CAST: variants seen among roughly 807,000 people sequenced by gnomAD.
CAST encodes the protein MIR583 host.
CAST carries 76 observed loss-of-function variants against 119.6 expected under a neutral mutation model. The ratio of observed to expected loss-of-function variants is 0.64; its 90% CI spans 0.53 to 0.77. The LOEUF is 0.77. CAST is among the 30% of genes least tolerant of loss of function. CAST has a pLI of 0.00. For synonymous variants in CAST, 319 were observed against 331.6 expected (o/e 0.96, Z 0.41); for missense variants, 953 against 946.5 (o/e 1.01, Z -0.09).
At chr5:96,121,542 G>A in the CAST span, among the ~76,000 whole-genome samples, 1 of 151,528 alleles carries the variant, frequency 6.6e-6, no homozygotes, top group East Asian at 1.9e-4. Context: ...GCTCAGATTA[G>A]TTTCAGTGAG....
At chr5:96,289,945 A>AC in the CAST span, among the ~76,000 whole-genome samples, 1 of 151,724 alleles carries the variant, frequency 6.6e-6, no homozygotes, top group African/African-American at 2.4e-5. Context: ...TTTTTTTAAA[A>AC]AAAACAGAAT....
the CAST span, among the ~76,000 whole-genome samples, chr5:96,038,219 A>G: frequency 6.6e-6 from 1 of 152,186 alleles, no homozygotes. Flanking sequence ...GTGTTAGATT[A>G]TAGCCCAAAG....
chr5:96,498,505 G>C, the CAST span, among the ~76,000 whole-genome samples: 1 of 152,160 alleles, frequency 6.6e-6, no homozygotes, highest in Non-Finnish European at 1.5e-5. Context: ...TAGCTACTTA[G>C]CTCTTAGCCA....
the CAST span, among the ~76,000 whole-genome samples, chr5:96,257,849 G>A: frequency 7.0e-4 from 106 of 152,330 alleles, 1 homozygote; most frequent in African/African-American, 2.4e-3. Flanking sequence ...ACACAGCGGC[G>A]CACAAGGCGC....
At chr5:96,369,633 T>C in the CAST span, among the ~76,000 whole-genome samples, 2 of 152,152 alleles carry the variant, frequency 1.3e-5, no homozygotes, top group African/African-American at 4.8e-5. Context: ...TTTAATCTCC[T>C]TTCTGATATT....
the CAST span, among the ~76,000 whole-genome samples, chr5:96,167,900 C>A: frequency 6.6e-6 from 1 of 151,934 alleles, no homozygotes; most frequent in Non-Finnish European, 1.5e-5. Context: ...GGTGGGGGGG[C>A]CTGAACAATC....
At chr5:96,188,050 T>G in the CAST span, among the ~76,000 whole-genome samples, 1 of 152,222 alleles carries the variant, frequency 6.6e-6, no homozygotes, top group Non-Finnish European at 1.5e-5. Flanking sequence ...GACTGCCACA[T>G]TCTCCCACAG....
the CAST span, among the ~76,000 whole-genome samples, chr5:96,108,860 G>A: frequency 6.6e-6 from 1 of 152,228 alleles, no homozygotes; most frequent in Non-Finnish European, 1.5e-5. Flanking sequence ...AGACTCCTGT[G>A]CTAGCAATCA....
At chr5:96,311,278 A>G in the CAST span, among the ~76,000 whole-genome samples, 135,218 of 151,978 alleles carry the variant, frequency 0.89, 60,331 homozygotes, top group Non-Finnish European at 0.92. Context: ...TATTGCGATC[A>G]GAAAGATACT....
At chr5:96,230,439 T>C in the CAST span, among the ~76,000 whole-genome samples, 4 of 152,156 alleles carry the variant, frequency 2.6e-5, no homozygotes, top group Admixed American at 6.6e-5. Context: ...ATCTGTAAAA[T>C]TAAATACTTG....
the CAST span, among the ~76,000 whole-genome samples, chr5:96,127,200 T>C: frequency 5.3e-5 from 8 of 152,102 alleles, no homozygotes; most frequent in Non-Finnish European, 8.8e-5. Flanking sequence ...TTTTAAATGG[T>C]AGAGTGTGGC....
the CAST span, among the ~76,000 whole-genome samples, chr5:96,273,678 T>G: frequency 6.6e-6 from 1 of 152,230 alleles, no homozygotes; most frequent in East Asian, 1.9e-4. Context: ...TATTTTTGTA[T>G]GCAGAGAATA....
the CAST span, among the ~76,000 whole-genome samples, chr5:96,428,181 G>C: frequency 6.6e-6 from 1 of 151,902 alleles, no homozygotes; most frequent in Non-Finnish European, 1.5e-5. Context: ...TGAATAAAAG[G>C]GCAAATTATC....
At chr5:96,519,425 G>A in the CAST span, among the ~76,000 whole-genome samples, 1 of 152,188 alleles carries the variant, frequency 6.6e-6, no homozygotes, top group Non-Finnish European at 1.5e-5. Context: ...CTCGGCTTGT[G>A]TAAATCAAAT....
intron 1 of CAST, among the ~76,000 whole-genome samples, chr5:96,617,514 G>A (rs1043106280): frequency 3.9e-5 from 6 of 152,058 alleles, no homozygotes; most frequent in African/African-American, 1.4e-4. Flanking sequence ...AGGAGGCCGG[G>A]CACGGTGGCT....
chr5:96,217,231 A>T, the CAST span, among the ~76,000 whole-genome samples: 1 of 53,300 alleles, frequency 1.9e-5, no homozygotes, highest in Non-Finnish European at 3.8e-5. Context: ...TATAGAGATG[A>T]GGTCTTGCTT....
chr5:96,490,910 C>A, the CAST span, among the ~76,000 whole-genome samples: 16 of 151,644 alleles, frequency 1.1e-4, no homozygotes, highest in African/African-American at 3.4e-4. Flanking sequence ...ATCTAAAAAA[C>A]AAAACAAAAA....
chr5:95,964,745 A>G, the CAST span, among the ~76,000 whole-genome samples: 1 of 152,220 alleles, frequency 6.6e-6, no homozygotes, highest in African/African-American at 2.4e-5. Context: ...CAACCTGCCT[A>G]ACATAACCAG....
the CAST span, among the ~76,000 whole-genome samples, chr5:95,964,359 TTAAA>T: frequency 6.6e-6 from 1 of 152,208 alleles, no homozygotes; most frequent in African/African-American, 2.4e-5. Context: ...GTTTAAATAA[TTAAA>T]TAATCATTGA....
Sources: gnomAD v4.1 joint callset for allele counts (sites outside exome capture counted in the v4.1 genomes callset) on GRCh38, gnomAD v4.1.1 for gene constraint, MANE v1.5 for transcripts, NCBI Gene and HGNC (gene_info 2026-07-23, HGNC 2026-07-21) for gene names.